Variants in MBD5 observed in about 807,000 individuals in gnomAD.
MBD5 encodes the protein methyl-CpG-binding domain protein 5.
Under a neutral mutation model 117.3 loss-of-function variants are expected in MBD5, and 13 were observed. That is an observed-to-expected ratio of 0.11 (90% CI 0.07 to 0.18). MBD5 has a LOEUF of 0.18. Ranked by LOEUF, MBD5 falls within the 10% of genes least tolerant of loss-of-function variation. The pLI is 1.00. For missense variants in MBD5, 1,879 were observed against 2,093.8 expected, an observed-to-expected ratio of 0.90 and a Z score of 2.00; for synonymous variants, 727 against 766.4, an observed-to-expected ratio of 0.95 and a Z score of 0.85.
At chr2:148,074,507 G>GGTTTTTTTTTTTTTTTTTTTTTTTTTTGT (rs1553469621) in intron 1 of MBD5, among the ~76,000 whole-genome samples, 1 of 113,772 alleles carries the variant, frequency 8.8e-6, no homozygotes, top group African/African-American at 3.5e-5. Flanking sequence ...TTTTTTTTTT[G>GGTTTTTTTTTTTTTTTTTTTTTTTTTTGT]TTTTTTTTTT....
chr2:148,201,985 C>G (rs192149294), intron 2 of MBD5, among the ~76,000 whole-genome samples: 1 of 152,092 alleles, frequency 6.6e-6, no homozygotes, highest in Non-Finnish European at 1.5e-5. Flanking sequence ...GTTCTCAGTC[C>G]GGTCCTTGGA....
At chr2:148,188,956 G>A (rs1698750486) in intron 2 of MBD5, among the ~76,000 whole-genome samples, 2 of 151,454 alleles carry the variant, frequency 1.3e-5, no homozygotes, top group Admixed American at 1.3e-4. Flanking sequence ...AAGCGCAAGG[G>A]GTCAGGGAGT....
chr2:148,389,704 CAT>C (rs1704506676), intron 4 of MBD5, among the ~76,000 whole-genome samples: 1 of 151,892 alleles, frequency 6.6e-6, no homozygotes, highest in Admixed American at 6.6e-5. Context: ...TATTTTTTCA[CAT>C]GTTTGTTGGA....
chr2:148,102,628 C>T (rs1317163415), intron 1 of MBD5, among the ~76,000 whole-genome samples: 1 of 150,306 alleles, frequency 6.7e-6, no homozygotes, highest in Non-Finnish European at 1.5e-5. Context: ...TTTGATTTCA[C>T]ATTTATATGA....
At chr2:148,084,140 A>G (rs1375826086) in intron 1 of MBD5, among the ~76,000 whole-genome samples, 1 of 152,182 alleles carries the variant, frequency 6.6e-6, no homozygotes, top group Non-Finnish European at 1.5e-5. Context: ...TCTGTGTAGT[A>G]CTTATTGCAT....
intron 1 of MBD5, among the ~76,000 whole-genome samples, chr2:148,089,724 G>A (rs1432064711): frequency 2.0e-5 from 3 of 152,038 alleles, no homozygotes; most frequent in African/African-American, 4.8e-5. Context: ...AGCATTAAAT[G>A]CCTACATGAA....
Position 148,463,904 on chromosome 2 carries a change from C to G in MBD5, c.382C>G (p.Pro128Ala). 6.2e-7 allele frequency: 1 copy of G among 1,613,490 alleles called. No individual in the cohort carries two copies. The highest frequency in any genetic ancestry group is 8.5e-7 in the Non-Finnish European group (1 of 1,179,618). The change falls in exon 7 of 14, where the codon CCC (proline) becomes GCC (alanine). Residue 128 changes from proline to alanine, a missense_variant. Pro to Ala is a conservative substitution (Grantham distance 27, BLOSUM62 -1). This residue lies in a region of MBD5 where 1,666 missense variants were observed against 1,792.2 expected (regional missense o/e 0.93). Coordinates refer to ENST00000642680, the MANE Select transcript of MBD5 (RefSeq NM_001378120.1). ...ACATCCTTCTCTGGTGCTCACCAGT[C>G]CCGGAGGAGGAACAAGTATGTAATA... ...APHPSLVLTS[P>A]GGGTNATPVV...
At chr2:148,269,308 A>AT (rs752948971) in intron 3 of MBD5, among the ~76,000 whole-genome samples, 3 of 150,898 alleles carry the variant, frequency 2.0e-5, no homozygotes, top group East Asian at 3.9e-4. Flanking sequence ...ATATATTTTA[A>AT]TTTTTTTTAA....
intron 3 of MBD5, among the ~76,000 whole-genome samples, chr2:148,269,905 T>C (rs1700944488): frequency 6.6e-6 from 1 of 152,022 alleles, no homozygotes; most frequent in Admixed American, 6.6e-5. Context: ...AATATTCTAC[T>C]TACTGAAGAT....
intron 1 of MBD5, among the ~76,000 whole-genome samples, chr2:148,070,370 A>G (rs1363466845): frequency 6.6e-6 from 1 of 152,216 alleles, no homozygotes; most frequent in South Asian, 2.1e-4. Context: ...CATGTTTGCT[A>G]CTAGTAGGGC....
At chr2:148,339,225 C>G (rs900282860) in intron 3 of MBD5, among the ~76,000 whole-genome samples, 3 of 152,146 alleles carry the variant, frequency 2.0e-5, no homozygotes, top group Non-Finnish European at 4.4e-5. Context: ...CTGGATGAAA[C>G]ACATTCCTCA....
At chr2:148,309,849 T>G (rs1002694102) in intron 3 of MBD5, among the ~76,000 whole-genome samples, 2 of 152,208 alleles carry the variant, frequency 1.3e-5, no homozygotes, top group Admixed American at 1.3e-4. Context: ...CCTAGTTTAT[T>G]GAGAGTTTTT....
At chr2:148,355,256 A>C (rs113461438) in intron 4 of MBD5, among the ~76,000 whole-genome samples, 8,616 of 148,804 alleles carry the variant, frequency 0.058, 772 homozygotes, top group African/African-American at 0.2. Flanking sequence ...TTCTTTTGCT[A>C]TGCAGAAGCT....
intron 1 of MBD5, among the ~76,000 whole-genome samples, chr2:148,170,238 A>G (rs1035900588): frequency 6.6e-6 from 1 of 152,194 alleles, no homozygotes; most frequent in African/African-American, 2.4e-5. Flanking sequence ...TAATAGTTGC[A>G]TTAAAATCAT....
At chr2:148,274,341 C>T (rs1053959684) in intron 3 of MBD5, among the ~76,000 whole-genome samples, 2 of 152,088 alleles carry the variant, frequency 1.3e-5, no homozygotes, top group Non-Finnish European at 2.9e-5. Flanking sequence ...CAACCCATCA[C>T]CTACATTAGG....
At chr2:148,216,428 G>A (rs1438316698) in intron 2 of MBD5, among the ~76,000 whole-genome samples, 2 of 152,048 alleles carry the variant, frequency 1.3e-5, no homozygotes, top group African/African-American at 4.8e-5. Context: ...TTATATTATT[G>A]ATGTCTCAAG....
intron 3 of MBD5, among the ~76,000 whole-genome samples, chr2:148,318,152 C>G (rs940285915): frequency 6.6e-6 from 1 of 152,154 alleles, no homozygotes; most frequent in Non-Finnish European, 1.5e-5. Flanking sequence ...GCCCTTCTGA[C>G]TGGTGTAAGA....
At position 148,234,322 on chromosome 2, in the gene MBD5, G is replaced by A. The variant is rs567930651; in HGVS notation, c.-680+927G>A. On this transcript the variant is annotated intron_variant, in intron 3 of 13. Coordinates refer to ENST00000642680, the MANE Select transcript of MBD5 (RefSeq NM_001378120.1). ...TCAGCCTGAGGTCATCCATGAAAAC[G>A]TGTCTGCTTTTTAAGTTTCACATAA... Among the ~76,000 whole-genome samples, 8 of 152,126 alleles carry A rather than the reference G, an allele frequency of 5.3e-5. 1 individual carries two copies. The South Asian group carries it at 6.2e-4, about 12-fold the overall frequency.
intron 2 of MBD5, among the ~76,000 whole-genome samples, chr2:148,210,375 C>A (rs1198052076): frequency 3.3e-5 from 5 of 151,880 alleles, no homozygotes; most frequent in Non-Finnish European, 1.5e-5. Context: ...CTCAAACATA[C>A]CTCATTTATT....
Sources: allele counts gnomAD v4.1 joint callset (sites outside exome capture counted in the v4.1 genomes callset), GRCh38; gene constraint gnomAD v4.1.1; regional missense constraint gnomAD v4.1.1; transcripts MANE v1.5; gene names NCBI Gene and HGNC (gene_info 2026-07-23, HGNC 2026-07-21).